The following CSMD3 variants were observed in gnomAD, a reference collection of about 807,000 sequenced individuals.
The protein encoded by CSMD3 is CUB and sushi domain-containing protein 3.
CSMD3 carries 177 observed loss-of-function variants against 435.2 expected under a neutral mutation model. The observed-to-expected ratio is 0.41, with a 90% confidence interval of 0.36 to 0.46. The LOEUF is 0.46. Ranked by LOEUF, CSMD3 falls within the 20% of genes least tolerant of loss-of-function variation. The pLI, the probability that CSMD3 is intolerant of heterozygous loss-of-function variation, is 0.34. For missense variants in CSMD3, 4,265 were observed against 4,504.6 expected (o/e 0.95, Z 1.52); for synonymous variants, 1,656 against 1,520.5 (o/e 1.09, Z -2.07).
chr8:112,878,132 C>T (rs535180190), intron 10 of CSMD3, among the ~76,000 whole-genome samples: 1 of 152,188 alleles, frequency 6.6e-6, no homozygotes, highest in African/African-American at 2.4e-5. Context: ...GAACAGGCAA[C>T]CTATAGAATG....
chr8:112,716,797 A>G (rs762693994), intron 13 of CSMD3, among the ~76,000 whole-genome samples: 1 of 152,210 alleles, frequency 6.6e-6, no homozygotes, highest in Non-Finnish European at 1.5e-5. Context: ...CTGATCTTCT[A>G]CAAACACGAC....
rs573777145 is a variant in CSMD3, at chr8:112,750,078, C to T, written c.1972+50084G>A. Among the ~76,000 whole-genome samples the T allele has an allele frequency of 5.9e-5, 9 of 152,096 alleles. No individual in the cohort carries two copies. In the East Asian group the frequency reaches 1.5e-3, roughly 26 times the overall value. ...GAAGATACTAAAAACGAGCCTTCTG[C>T]AAGCACATAAGTCGATGTAGAGTGT... On this transcript the variant is annotated intron_variant, in intron 13 of 70. Coordinates refer to ENST00000297405, the MANE Select transcript of CSMD3 (RefSeq NM_198123.2).
chr8:113,142,525 T>C (rs2091573354), intron 4 of CSMD3, among the ~76,000 whole-genome samples: 1 of 151,084 alleles, frequency 6.6e-6, no homozygotes, highest in Non-Finnish European at 1.5e-5. Context: ...GAAAGAAAGA[T>C]AACCATTTCA....
rs1457106732 is a variant in CSMD3 at position 112,244,522 on chromosome 8, A to G, written c.10274T>C (p.Met3425Thr). 6.2e-7 allele frequency: 1 copy of G among 1,613,796 alleles called. No homozygotes were observed. The highest frequency in any genetic ancestry group is 8.5e-7 in the Non-Finnish European group (1 of 1,179,852). Reference protein sequence around the residue: ...ETPAHANVVGMDLPSHGYTLI... With the variant: ...ETPAHANVVGTDLPSHGYTLI... ...TGTATACCCATGAGATGGAAGGTCCATCCCTACGACATTTGCATGAGCAGG... is the reference window on the plus strand; with the variant it reads ...TGTATACCCATGAGATGGAAGGTCCGTCCCTACGACATTTGCATGAGCAGG... Residue 3425 changes from methionine (M) to threonine (T), a missense_variant, in exon 65 of 71, where the codon ATG becomes ACG. Met to Thr is a moderately conservative substitution (Grantham distance 81). Transcript: ENST00000297405.
At chr8:112,950,514 C>A (rs2083769938) in intron 8 of CSMD3, among the ~76,000 whole-genome samples, 1 of 151,868 alleles carries the variant, frequency 6.6e-6, no homozygotes, top group African/African-American at 2.4e-5. Flanking sequence ...TTGTGTTAAA[C>A]TAAAATTTTG....
At chr8:113,397,583 C>T (rs1157819892) in intron 1 of CSMD3, among the ~76,000 whole-genome samples, 10 of 151,798 alleles carry the variant, frequency 6.6e-5, no homozygotes, top group Admixed American at 6.6e-5. Flanking sequence ...TTTGGGAGGC[C>T]GAGGCGGGGG....
chr8:113,148,850 C>T (rs988272514), intron 4 of CSMD3, among the ~76,000 whole-genome samples: 2 of 151,632 alleles, frequency 1.3e-5, no homozygotes. Context: ...AAATATAACA[C>T]TAAGATCTCA....
intron 3 of CSMD3, among the ~76,000 whole-genome samples, chr8:113,258,206 T>C (rs781560280): frequency 1.3e-5 from 2 of 152,158 alleles, no homozygotes; most frequent in Non-Finnish European, 2.9e-5. Context: ...CAAAACAGGA[T>C]TGGTGCTTAT....
At chr8:113,149,485 T>C (rs971904748) in intron 4 of CSMD3, among the ~76,000 whole-genome samples, 2 of 151,904 alleles carry the variant, frequency 1.3e-5, no homozygotes, top group African/African-American at 4.8e-5. Context: ...GACCTTCTTT[T>C]TGAGATACAA....
At position 112,270,359 on chromosome 8, in the gene CSMD3, T is replaced by TGTGTGTTAGGGGTGA. The variant is rs1554622990; in HGVS notation, c.9509-4770_9509-4769insTCACCCCTAACACAC. On this transcript the variant is annotated intron_variant, in intron 59 of 70. Coordinates refer to ENST00000297405, the MANE Select transcript of CSMD3 (RefSeq NM_198123.2). ...AGAGGGGTGAGTGTGTGTGTGTGTG[T>TGTGTGTTAGGGGTGA]GTGTGTGTGTGTGTGTGTGTGTGTG... Among the ~76,000 whole-genome samples the TGTGTGTTAGGGGTGA allele has an allele frequency of 7.3e-4, 96 of 130,956 alleles. 1 individual carries two copies. The highest frequency in any genetic ancestry group is 7.1e-4 in the South Asian group (3 of 4,218). The allele number at this position is 130,956 out of a possible 152,430, so 85.9% of individuals were successfully genotyped here. A position where few individuals can be genotyped will look rare whatever the true frequency, so the allele number is the denominator to read the frequency against.
At chr8:112,463,121 G>T (rs1258016145) in intron 32 of CSMD3, among the ~76,000 whole-genome samples, 1 of 152,158 alleles carries the variant, frequency 6.6e-6, no homozygotes, top group Non-Finnish European at 1.5e-5. Flanking sequence ...ATTTTGGGAG[G>T]CCAAGGCCAA....
chr8:113,014,079 G>A (rs928543599), intron 6 of CSMD3, among the ~76,000 whole-genome samples: 6 of 152,072 alleles, frequency 3.9e-5, no homozygotes, highest in East Asian at 1.9e-4. Flanking sequence ...GGATGGCATG[G>A]GTCATCCATT....
intron 31 of CSMD3, among the ~76,000 whole-genome samples, chr8:112,486,240 A>G (rs369092165): frequency 5.3e-5 from 8 of 152,102 alleles, no homozygotes; most frequent in South Asian, 2.1e-4. Flanking sequence ...CAATTAAAAT[A>G]TTCCAGGCAC....
intron 2 of CSMD3, chr8:113,310,316 T>C (rs1190131026): frequency 1.3e-5 from 2 of 152,030 alleles, no homozygotes; most frequent in Non-Finnish European, 2.9e-5. Context: ...CTTGACTTTG[T>C]AACATTAAAA....
chr8:112,836,166 T>C lies in CSMD3; in HGVS notation c.1756-6377A>G, dbSNP rs1017811978. ...CTTTGTATGCAGTAAATGGATGAAA[T>C]TTTAGGTTTTCTCTATTAATGTAGA... is the stretch of plus-strand genomic sequence containing the variant. On this transcript the variant is annotated intron_variant, in intron 11 of 70. Coordinates refer to ENST00000297405, the MANE Select transcript of CSMD3 (RefSeq NM_198123.2). Among the ~76,000 whole-genome samples the C allele has an allele frequency of 1.3e-4, 20 of 151,750 alleles. 1 individual carries two copies. Among genetic ancestry groups the C allele is most frequent in the African/African-American group, 4.6e-4 (19 of 41,364 alleles).
Position 112,520,645 on chromosome 8 carries a change from A to G in CSMD3, c.4565-3420T>C, listed in dbSNP as rs150088131. Among the ~76,000 whole-genome samples, 15 of 152,190 alleles carry G rather than the reference A, an allele frequency of 9.9e-5. No homozygotes were observed. In the East Asian group the frequency reaches 2.3e-3, roughly 23 times the overall value. ...CTACATTTTTACTATAATGGAAAGC[A>G]GAAAAGAAAGAGGCAAGGTTATATT... On this transcript the variant is annotated intron_variant, in intron 27 of 70. Coordinates refer to ENST00000297405, the MANE Select transcript of CSMD3 (RefSeq NM_198123.2).
At chr8:113,324,674 C>T (rs963277647) in intron 1 of CSMD3, among the ~76,000 whole-genome samples, 5 of 152,162 alleles carry the variant, frequency 3.3e-5, no homozygotes, top group South Asian at 2.1e-4. Flanking sequence ...CCCCACACAG[C>T]GCTCCTACTG....
intron 32 of CSMD3, among the ~76,000 whole-genome samples, chr8:112,431,793 T>C (rs1463080624): frequency 6.6e-6 from 1 of 152,154 alleles, no homozygotes; most frequent in Admixed American, 6.6e-5. Context: ...TTCATGAAGT[T>C]CTACATATTG....
chr8:112,929,556 T>C (rs2083036880), intron 9 of CSMD3, among the ~76,000 whole-genome samples: 2 of 152,162 alleles, frequency 1.3e-5, no homozygotes, highest in Admixed American at 6.6e-5. Context: ...TATATAACAC[T>C]CAATAGGTCA....
Sources: gnomAD v4.1 joint callset for allele counts (sites outside exome capture counted in the v4.1 genomes callset) on GRCh38, gnomAD v4.1.1 for gene constraint, MANE v1.5 for transcripts, NCBI Gene and HGNC (gene_info 2026-07-23, HGNC 2026-07-21) for gene names.